The following SERPINE2 variants were observed in gnomAD, a reference collection of about 807,000 sequenced individuals.
The protein encoded by SERPINE2 is glia-derived nexin.
In SERPINE2, 14 loss-of-function variants were observed where a neutral mutation model predicts 36.3. The ratio of observed to expected loss-of-function variants is 0.39; its 90% CI spans 0.25 to 0.60. SERPINE2 has a LOEUF of 0.60. Ranked by LOEUF, SERPINE2 falls within the 20% of genes least tolerant of loss-of-function variation. The pLI is 0.57. For synonymous variants in SERPINE2, 192 were observed against 191.8 expected (o/e 1.00, Z -0.01); for missense variants, 418 against 499.6 (o/e 0.84, Z 1.56).
intron 1 of SERPINE2, chr2:224,038,344 A>G: frequency 1.4e-6 from 1 of 698,640 alleles, no homozygotes; most frequent in South Asian, 1.8e-5. Context: ...TCATTAAAAC[A>G]CTAAAACCTT....
chr2:223,980,245 A>G (rs1324397090), intron 7 of SERPINE2, 66 bp downstream of exon 7: 8 of 1,319,574 alleles, frequency 6.1e-6, no homozygotes, highest in African/African-American at 2.9e-5. Flanking sequence ...TGCTCAACCA[A>G]TGAGTATACA....
chr2:224,029,479 G>A (rs1248287519), intron 1 of SERPINE2, among the ~76,000 whole-genome samples: 1 of 152,112 alleles, frequency 6.6e-6, no homozygotes, highest in African/African-American at 2.4e-5. Flanking sequence ...GCATATTGAC[G>A]GAATCAAATC....
intron 3 of SERPINE2, among the ~76,000 whole-genome samples, chr2:223,995,844 C>T (rs1690865837): frequency 6.6e-6 from 1 of 152,178 alleles, no homozygotes; most frequent in South Asian, 2.1e-4. Flanking sequence ...TGTCAATTCA[C>T]AATTATTCTG....
chr2:223,996,519 T>C (rs1279492194), intron 3 of SERPINE2, among the ~76,000 whole-genome samples: 1 of 152,142 alleles, frequency 6.6e-6, no homozygotes, highest in Non-Finnish European at 1.5e-5. Context: ...CTTCACTAGT[T>C]CTGCTAATGG....
intron 1 of SERPINE2, chr2:224,038,471 T>C: frequency 6.5e-7 from 1 of 1,550,204 alleles, no homozygotes; most frequent in Non-Finnish European, 8.7e-7. Flanking sequence ...AATTTCTGAG[T>C]ACCGTACTTT....
intron 1 of SERPINE2, among the ~76,000 whole-genome samples, chr2:224,016,999 T>C (rs1691822305): frequency 6.6e-6 from 1 of 152,172 alleles, no homozygotes; most frequent in African/African-American, 2.4e-5. Context: ...TGTGTGACGA[T>C]AAAAGGGAGG....
chr2:224,014,365 C>T (rs1691726651), intron 1 of SERPINE2, among the ~76,000 whole-genome samples: 2 of 151,830 alleles, frequency 1.3e-5, no homozygotes, highest in African/African-American at 2.4e-5. Flanking sequence ...ACAATCAAGA[C>T]ACTGTCTCAA....
intron 1 of SERPINE2, among the ~76,000 whole-genome samples, chr2:224,025,087 T>A (rs913323020): frequency 5.3e-5 from 8 of 152,068 alleles, no homozygotes; most frequent in Admixed American, 2.6e-4. Context: ...TTTCACAGAC[T>A]CTTACACACA....
chr2:224,027,272 A>G (rs1559220744), intron 1 of SERPINE2, among the ~76,000 whole-genome samples: 1 of 152,062 alleles, frequency 6.6e-6, no homozygotes, highest in Non-Finnish European at 1.5e-5. Context: ...TTCCTCAGCT[A>G]CAGAACCATC....
chr2:223,996,133 G>T (rs1407581883), intron 3 of SERPINE2, among the ~76,000 whole-genome samples: 1 of 152,126 alleles, frequency 6.6e-6, no homozygotes, highest in Non-Finnish European at 1.5e-5. Flanking sequence ...CAGCACACGT[G>T]GGGGTTTTCT....
chr2:223,993,885 T>G (rs1478038557), intron 3 of SERPINE2, among the ~76,000 whole-genome samples: 5 of 152,170 alleles, frequency 3.3e-5, no homozygotes, highest in Admixed American at 6.5e-5. Flanking sequence ...ATCATTCAAC[T>G]CAACACAAAG....
At chr2:223,993,006 T>C (rs1049085544) in intron 3 of SERPINE2, among the ~76,000 whole-genome samples, 1 of 152,084 alleles carries the variant, frequency 6.6e-6, no homozygotes, top group Non-Finnish European at 1.5e-5. Context: ...GCACCTGTAA[T>C]CCCAGCTACT....
chr2:224,035,269 C>T (rs1308730697), intron 1 of SERPINE2, among the ~76,000 whole-genome samples: 6 of 152,182 alleles, frequency 3.9e-5, no homozygotes, highest in Non-Finnish European at 2.9e-5. Flanking sequence ...GGTCACAGGT[C>T]TGGGGGAACC....
chr2:223,996,213 C>T (rs1204662141), intron 3 of SERPINE2, among the ~76,000 whole-genome samples: 1 of 152,088 alleles, frequency 6.6e-6, no homozygotes, highest in Non-Finnish European at 1.5e-5. Flanking sequence ...CAGATCAAGG[C>T]AGCGGCTAAG....
At chr2:224,018,774 G>C (rs1376259093) in intron 1 of SERPINE2, among the ~76,000 whole-genome samples, 1 of 152,076 alleles carries the variant, frequency 6.6e-6, no homozygotes. Flanking sequence ...CCAAAGTCTG[G>C]AAACTGTCCT....
intron 1 of SERPINE2, chr2:224,010,322 C>T: frequency 1.0e-6 from 1 of 984,584 alleles, no homozygotes; most frequent in Non-Finnish European, 1.2e-6. Flanking sequence ...AAAAAGGAAC[C>T]TAAAAATGTT....
chr2:223,983,706 ACACACACACACG>A (rs1690313142), intron 5 of SERPINE2, among the ~76,000 whole-genome samples: 1 of 145,326 alleles, frequency 6.9e-6, no homozygotes, highest in African/African-American at 2.7e-5. Context: ...ACACACACAC[ACACACACACACG>A]TATATATATG....
intron 1 of SERPINE2, among the ~76,000 whole-genome samples, chr2:224,032,631 A>G (rs1221134327): frequency 6.6e-6 from 1 of 152,256 alleles, no homozygotes; most frequent in Admixed American, 6.5e-5. Context: ...AAAGAATTAA[A>G]TAAGAAAAAT....
chr2:223,998,496 T>C (rs1041036597), intron 2 of SERPINE2, among the ~76,000 whole-genome samples, 154 bp from the exon 3 acceptor site: 5 of 152,112 alleles, frequency 3.3e-5, no homozygotes, highest in African/African-American at 9.7e-5. Context: ...GGTGGGTGGA[T>C]TGCTTGAGCT....
Sources: gnomAD v4.1 joint callset for allele counts (sites outside exome capture counted in the v4.1 genomes callset) on GRCh38, gnomAD v4.1.1 for gene constraint, MANE v1.5 for transcripts, NCBI Gene and HGNC (gene_info 2026-07-23, HGNC 2026-07-21) for gene names.